MVB12B: variants seen among roughly 807,000 people sequenced by gnomAD.
MVB12B encodes ESCRT-I complex subunit MVB12B.
A neutral mutation model predicts 41.6 loss-of-function variants in MVB12B; 16 were observed. The ratio of observed to expected loss-of-function variants is 0.38; its 90% CI spans 0.26 to 0.58. MVB12B has a LOEUF of 0.58. MVB12B is among the 20% of genes least tolerant of loss of function. The pLI, the probability that MVB12B is intolerant of heterozygous loss-of-function variation, is 0.62. For synonymous variants in MVB12B, 133 were observed against 139.7 expected (o/e 0.95, Z 0.34); for missense variants, 274 against 380.2 (o/e 0.72, Z 2.32).
At chr9:126,432,376 A>G (rs527808463) in intron 7 of MVB12B, among the ~76,000 whole-genome samples, 35 of 152,352 alleles carry the variant, frequency 2.3e-4, no homozygotes, top group African/African-American at 8.2e-4. Context: ...ACTCCTGCCT[A>G]GAGGCAGCTT....
intron 3 of MVB12B, among the ~76,000 whole-genome samples, chr9:126,382,514 G>T (rs539747222): frequency 1.3e-4 from 20 of 152,278 alleles, no homozygotes; most frequent in Non-Finnish European, 1.9e-4. Flanking sequence ...ATACCAGGAA[G>T]GTGGCAGGGC....
At chr9:126,450,924 G>T (rs957461598) in intron 7 of MVB12B, among the ~76,000 whole-genome samples, 1 of 152,214 alleles carries the variant, frequency 6.6e-6, no homozygotes, top group African/African-American at 2.4e-5. Flanking sequence ...AGCCCTGCAG[G>T]TGCAGACCAG....
At position 126,392,241 on chromosome 9, in the gene MVB12B, G is replaced by A. The variant is rs1830978243; in HGVS notation, c.539+46G>A. 1.2e-6 allele frequency: 2 copies of A among 1,609,910 alleles called. No individual in the cohort carries two copies. Among genetic ancestry groups the A allele is most frequent in the Non-Finnish European group, 1.7e-6 (2 of 1,176,832 alleles). On this transcript the variant is annotated intron_variant, in intron 5 of 9. Coordinates refer to ENST00000361171, the MANE Select transcript of MVB12B (RefSeq NM_033446.3). This position sits in a 1 kb window ranked among gnomAD's most constrained non-coding sequence, Gnocchi z 4.8. ...TGTCAGCTGCTTCTCTTCCCTGAGA[G>A]CACTCAGGCCACTCCAGGCAATGAG...
intron 7 of MVB12B, among the ~76,000 whole-genome samples, chr9:126,447,031 G>A (rs1291347842): frequency 3.6e-5 from 5 of 138,756 alleles, no homozygotes; most frequent in East Asian, 2.3e-4. Context: ...TGCAACCGCC[G>A]CCTCCCAGGT....
At chr9:126,357,786 TTTC>T (rs1217202735) in intron 2 of MVB12B, among the ~76,000 whole-genome samples, 2 of 152,176 alleles carry the variant, frequency 1.3e-5, no homozygotes, top group Admixed American at 1.3e-4. Flanking sequence ...GCCTTTTCAT[TTTC>T]TTAACAGTAT....
At position 126,506,447 on chromosome 9, in the gene MVB12B, C is replaced by G. The variant is rs530671732; in HGVS notation, c.*3184C>G. ...GCCCTTTCTGTTTCCAGTCCAGTTACGGACTTCCCGGCCGCCACTGGGCCC... is the reference window on the plus strand; with the variant it reads ...GCCCTTTCTGTTTCCAGTCCAGTTAGGGACTTCCCGGCCGCCACTGGGCCC... On this transcript the variant is annotated 3_prime_UTR_variant, in exon 10 of 10. Coordinates refer to ENST00000361171, the MANE Select transcript of MVB12B (RefSeq NM_033446.3). 6.6e-6 allele frequency: 1 copy of G among 152,418 alleles called. No homozygotes were observed. The highest frequency in any genetic ancestry group is 1.5e-5 in the Non-Finnish European group (1 of 68,128). The allele number at this position is 152,418 out of a possible 1,614,324, so 9.4% of individuals were successfully genotyped here. A position where few individuals can be genotyped will look rare whatever the true frequency, so the allele number is the denominator to read the frequency against.
At chr9:126,442,904 A>G (rs1832675549) in intron 7 of MVB12B, among the ~76,000 whole-genome samples, 1 of 152,236 alleles carries the variant, frequency 6.6e-6, no homozygotes, top group Non-Finnish European at 1.5e-5. Context: ...GAATGGTGAC[A>G]CTACCCACTG....
In MVB12B at chr9:126,505,653, C is replaced by CCT. The variant is rs1490285625; in HGVS notation, c.*2391_*2392dup. 2.4e-5 allele frequency: 3 copies of CCT among 124,938 alleles called. No individual in the cohort carries two copies. The highest frequency in any genetic ancestry group is 2.3e-4 in the East Asian group (1 of 4,374). The allele number at this position is 124,938 out of a possible 1,614,324, so 7.7% of individuals were successfully genotyped here. A position where few individuals can be genotyped will look rare whatever the true frequency, so the allele number is the denominator to read the frequency against. On this transcript the variant is annotated 3_prime_UTR_variant, in exon 10 of 10. Transcript: ENST00000361171. ...AGAGGTGGGTGAGGACAAGCATGTG[C>CCT]CTGTGTGTGTGTGTGTGTGTGTGTG...
chr9:126,356,629 G>C (rs539506028), intron 2 of MVB12B, among the ~76,000 whole-genome samples: 1 of 152,118 alleles, frequency 6.6e-6, no homozygotes, highest in East Asian at 1.9e-4. Flanking sequence ...TGGGTATTTT[G>C]TCACCCTGTA....
chr9:126,366,760 A>C (rs1025628917), intron 2 of MVB12B, among the ~76,000 whole-genome samples: 2 of 151,852 alleles, frequency 1.3e-5, no homozygotes, highest in Non-Finnish European at 1.5e-5. Flanking sequence ...AGCCTCCTGC[A>C]CTGAGCATTC....
At chr9:126,401,232 C>T (rs114089352) in intron 6 of MVB12B, among the ~76,000 whole-genome samples, 1,540 of 152,324 alleles carry the variant, frequency 0.01, 33 homozygotes, top group African/African-American at 0.036. Context: ...GGCAGCCTCC[C>T]CTGCAAGATG....
intron 7 of MVB12B, among the ~76,000 whole-genome samples, chr9:126,435,507 C>T (rs950915718): frequency 1.3e-5 from 2 of 152,128 alleles, no homozygotes; most frequent in African/African-American, 4.8e-5. Flanking sequence ...TTTCCATGTT[C>T]CTTTTCATCA....
intron 7 of MVB12B, among the ~76,000 whole-genome samples, chr9:126,457,850 T>C (rs1378581403): frequency 6.6e-6 from 1 of 152,186 alleles, no homozygotes; most frequent in Non-Finnish European, 1.5e-5. Context: ...CACGGCTTGG[T>C]GCTTGTCCAA....
chr9:126,332,153 A>G (rs1273576615), intron 1 of MVB12B, among the ~76,000 whole-genome samples: 2 of 152,052 alleles, frequency 1.3e-5, no homozygotes, highest in African/African-American at 4.8e-5. Context: ...TCTGCTTGCA[A>G]GACTTTCACC....
At chr9:126,330,736 T>C (rs1829107411) in intron 1 of MVB12B, among the ~76,000 whole-genome samples, 1 of 152,196 alleles carries the variant, frequency 6.6e-6, no homozygotes, top group Non-Finnish European at 1.5e-5. Context: ...ACCGAAACGC[T>C]GTGCTCATAA....
intron 2 of MVB12B, among the ~76,000 whole-genome samples, chr9:126,364,308 C>T (rs1423951536): frequency 1.3e-5 from 2 of 152,176 alleles, no homozygotes; most frequent in Admixed American, 6.5e-5. Flanking sequence ...ATGAACGGCG[C>T]GAGTTCAACT....
intron 6 of MVB12B, among the ~76,000 whole-genome samples, chr9:126,404,073 C>T (rs548251764): frequency 3.3e-5 from 5 of 151,622 alleles, no homozygotes; most frequent in Non-Finnish European, 7.4e-5. Flanking sequence ...CCCACCTCAG[C>T]CTCCCAAGTA....
chr9:126,369,998 G>A (rs1043243965), intron 2 of MVB12B, among the ~76,000 whole-genome samples: 1 of 151,882 alleles, frequency 6.6e-6, no homozygotes, highest in Non-Finnish European at 1.5e-5. Flanking sequence ...ATTTTTCCTT[G>A]CTGATACAGC....
chr9:126,391,729 G>T lies in MVB12B; in HGVS notation c.410-337G>T, dbSNP rs1376261290. Among the ~76,000 whole-genome samples the T allele has an allele frequency of 6.6e-6, 1 of 152,202 alleles. No individual in the cohort carries two copies. The highest frequency in any genetic ancestry group is 2.4e-5 in the African/African-American group (1 of 41,446). On this transcript the variant is annotated intron_variant, in intron 4 of 9. Transcript: ENST00000361171. The surrounding 1 kb of genome is among the most constrained non-coding windows in gnomAD (Gnocchi z 4.4). ...AATAAAAAGAAAAGAAGTCCGTGTG[G>T]TGAAATGTGTTAATGCTCAGGGCGT...
Sources: gnomAD v4.1 joint callset for allele counts (sites outside exome capture counted in the v4.1 genomes callset) on GRCh38, gnomAD v4.1.1 for gene constraint, Gnocchi (gnomAD v3.1) non-coding constraint, MANE v1.5 for transcripts, NCBI Gene and HGNC (gene_info 2026-07-23, HGNC 2026-07-21) for gene names.